CSMD1: variants seen among roughly 807,000 people sequenced by gnomAD.
The protein encoded by CSMD1 is CUB and Sushi multiple domains 1.
In CSMD1, 213 loss-of-function variants were observed where a neutral mutation model predicts 417.5. The observed-to-expected ratio is 0.51, with a 90% CI of 0.46 to 0.57. The LOEUF (loss-of-function observed/expected upper bound fraction) is 0.57, where lower values mean the gene tolerates loss of function less well. Ranked by LOEUF, CSMD1 falls within the 20% of genes least tolerant of loss-of-function variation. The pLI is 0.00. For missense variants in CSMD1, 6,923 were observed against 4,529.7 expected (o/e 1.53, Z -15.17); for synonymous variants, 2,862 against 1,736.8 (o/e 1.65, Z -16.11).
chr8:4,038,814 G>T (rs4524815), intron 3 of CSMD1, among the ~76,000 whole-genome samples: 22,718 of 152,166 alleles, frequency 0.15, 2,417 homozygotes, highest in East Asian at 0.39. Flanking sequence ...CTCATGGCAG[G>T]TTTCCACTGG....
chr8:3,038,737 T>C (rs2128982348), intron 50 of CSMD1, among the ~76,000 whole-genome samples: 1 of 152,320 alleles, frequency 6.6e-6, no homozygotes, highest in South Asian at 2.1e-4. Flanking sequence ...GCCCTAATTA[T>C]AAAATTTTTT....
chr8:3,498,957 T>G (rs948479659), intron 10 of CSMD1, among the ~76,000 whole-genome samples: 1 of 152,216 alleles, frequency 6.6e-6, no homozygotes. Context: ...ATCTTTAACA[T>G]CATTATTTTA....
intron 3 of CSMD1, among the ~76,000 whole-genome samples, chr8:4,147,342 C>T (rs535879878): frequency 1.3e-5 from 2 of 152,076 alleles, no homozygotes; most frequent in Non-Finnish European, 1.5e-5. Flanking sequence ...TCTATTGCGC[C>T]CCACCCTTCT....
chr8:4,326,411 A>G (rs1799565854), intron 3 of CSMD1, among the ~76,000 whole-genome samples: 1 of 152,138 alleles, frequency 6.6e-6, no homozygotes. Context: ...AGATAAAAAG[A>G]TGGGAAAACC....
intron 3 of CSMD1, among the ~76,000 whole-genome samples, chr8:4,340,876 A>C (rs1346247577): frequency 6.6e-6 from 1 of 152,064 alleles, no homozygotes; most frequent in Non-Finnish European, 1.5e-5. Context: ...GATATTAACT[A>C]TTAATGAATA....
intron 3 of CSMD1, among the ~76,000 whole-genome samples, chr8:4,383,623 C>G (rs933204679): frequency 6.6e-6 from 1 of 152,110 alleles, no homozygotes; most frequent in Non-Finnish European, 1.5e-5. Flanking sequence ...GCTGATTAAA[C>G]TGAGAATCAA....
At chr8:3,258,741 C>G (rs1186873808) in intron 26 of CSMD1, among the ~76,000 whole-genome samples, 2 of 152,100 alleles carry the variant, frequency 1.3e-5, no homozygotes, top group Non-Finnish European at 2.9e-5. Flanking sequence ...TACATATACA[C>G]CATGGAATAC....
At chr8:4,037,387 G>A (rs989294626) in intron 3 of CSMD1, among the ~76,000 whole-genome samples, 3 of 152,178 alleles carry the variant, frequency 2.0e-5, no homozygotes, top group South Asian at 4.1e-4. Context: ...TCAGCTCCAC[G>A]CAACAGCCCA....
intron 7 of CSMD1, among the ~76,000 whole-genome samples, chr8:3,664,405 G>C (rs1005702254): frequency 3.3e-5 from 5 of 152,186 alleles, no homozygotes; most frequent in African/African-American, 1.2e-4. Flanking sequence ...TCAATAACCT[G>C]AATCAGTTCT....
chr8:4,345,024 A>G (rs1800700592), intron 3 of CSMD1, among the ~76,000 whole-genome samples: 1 of 152,118 alleles, frequency 6.6e-6, no homozygotes, highest in African/African-American at 2.4e-5. Flanking sequence ...AGGCAGCATC[A>G]CACCATAACA....
At chr8:3,828,203 T>A (rs1469777442) in intron 5 of CSMD1, among the ~76,000 whole-genome samples, 1 of 152,130 alleles carries the variant, frequency 6.6e-6, no homozygotes, top group Non-Finnish European at 1.5e-5. Flanking sequence ...ATCCTTGATA[T>A]TCCTGGCTAG....
chr8:4,944,581 C>T (rs1223225395), intron 1 of CSMD1, among the ~76,000 whole-genome samples: 8 of 152,102 alleles, frequency 5.3e-5, no homozygotes, highest in Admixed American at 5.2e-4. Context: ...AAAATAAATA[C>T]ACAAGAAATA....
At chr8:3,983,166 T>C in intron 5 of CSMD1, among the ~76,000 whole-genome samples, 1 of 140,064 alleles carries the variant, frequency 7.1e-6, no homozygotes. Context: ...ACTCTCGCTC[T>C]GTCACCCAGG....
chr8:4,064,808 C>G (rs898694885), intron 3 of CSMD1, among the ~76,000 whole-genome samples: 9 of 152,014 alleles, frequency 5.9e-5, no homozygotes, highest in African/African-American at 2.2e-4. Flanking sequence ...TCCCGGTGAT[C>G]TTGTTATTTA....
chr8:3,534,213 C>T (rs957012933), intron 10 of CSMD1, among the ~76,000 whole-genome samples: 8 of 152,130 alleles, frequency 5.3e-5, no homozygotes, highest in African/African-American at 9.7e-5. Context: ...AATGCCACGC[C>T]CTTTGCCTAG....
chr8:3,233,633 G>C (rs560899936), intron 26 of CSMD1, among the ~76,000 whole-genome samples: 1 of 152,142 alleles, frequency 6.6e-6, no homozygotes, highest in East Asian at 1.9e-4. Context: ...ATAGTATTTG[G>C]TTTCCTATTC....
intron 11 of CSMD1, among the ~76,000 whole-genome samples, chr8:3,486,465 C>G (rs1163209200): frequency 2.0e-5 from 3 of 152,280 alleles, no homozygotes; most frequent in South Asian, 4.1e-4. Context: ...ATGCTTTTGA[C>G]TGATGAATTC....
chr8:4,270,882 A>C (rs1804545460), intron 3 of CSMD1, among the ~76,000 whole-genome samples: 2 of 152,170 alleles, frequency 1.3e-5, no homozygotes, highest in African/African-American at 4.8e-5. Flanking sequence ...TGAGGACCTC[A>C]TTCCTTCAAC....
At chr8:4,463,182 A>G (rs554969399) in intron 2 of CSMD1, among the ~76,000 whole-genome samples, 1 of 152,308 alleles carries the variant, frequency 6.6e-6, no homozygotes, top group South Asian at 2.1e-4. Flanking sequence ...AAGCCCGTAT[A>G]AAAATTCTCA....
Sources: gnomAD v4.1 joint callset for allele counts (sites outside exome capture counted in the v4.1 genomes callset) on GRCh38, gnomAD v4.1.1 for gene constraint, MANE v1.5 for transcripts, NCBI Gene and HGNC (gene_info 2026-07-23, HGNC 2026-07-21) for gene names.